The following MAGI2 variants were observed in gnomAD, a reference collection of about 807,000 sequenced individuals.
MAGI2 encodes membrane-associated guanylate kinase, WW and PDZ domain-containing protein 2.
A neutral mutation model predicts 133.3 loss-of-function variants in MAGI2; 35 were observed. That is an observed-to-expected ratio of 0.26 (90% CI 0.20 to 0.35). The LOEUF is 0.35. MAGI2 is among the 10% of genes least tolerant of loss of function. The pLI, the probability that MAGI2 is intolerant of heterozygous loss-of-function variation, is 1.00. For missense variants in MAGI2, 1,636 were observed against 1,863.4 expected (o/e 0.88, Z 2.25); for synonymous variants, 729 against 710.6 (o/e 1.03, Z -0.41).
At chr7:78,781,251 C>T (rs994077870) in intron 2 of MAGI2, among the ~76,000 whole-genome samples, 5 of 151,678 alleles carry the variant, frequency 3.3e-5, no homozygotes, top group Admixed American at 6.6e-5. Context: ...TGGTGGCGGG[C>T]GCCTGTAGTC....
chr7:78,318,905 C>G (rs1403369267), intron 9 of MAGI2, among the ~76,000 whole-genome samples: 1 of 152,246 alleles, frequency 6.6e-6, no homozygotes, highest in East Asian at 1.9e-4. Flanking sequence ...CCGTTACAGA[C>G]AAGCAAATGG....
Position 79,323,250 on chromosome 7 carries a change from C to T in MAGI2, c.301+129770G>A. Among the ~76,000 whole-genome samples the T allele has an allele frequency of 1.3e-5, 2 of 152,174 alleles. 1 individual carries two copies. Among genetic ancestry groups the T allele is most frequent in the African/African-American group, 4.8e-5 (2 of 41,442 alleles). ...AGAACAGGACCACATCCTCCCCTCT[C>T]CTCAATGAACTTACAGTCAAATGGA... On this transcript the variant is annotated intron_variant, in intron 1 of 21. Transcript: ENST00000354212.
intron 6 of MAGI2, among the ~76,000 whole-genome samples, chr7:78,380,811 G>A (rs1171160981): frequency 6.6e-6 from 1 of 152,080 alleles, no homozygotes; most frequent in Non-Finnish European, 1.5e-5. Flanking sequence ...AGATTATTAT[G>A]CATTGCACGC....
chr7:78,589,939 T>C (rs1175408916), intron 3 of MAGI2, among the ~76,000 whole-genome samples: 3 of 152,234 alleles, frequency 2.0e-5, no homozygotes, highest in Admixed American at 1.3e-4. Context: ...TCTGGCAGTT[T>C]GCTTGGTTCC....
rs71085549 is a variant in MAGI2 at position 78,626,826 on chromosome 7, ATG to A, written c.538+292_538+293del. ...AGGAGACAAGCACAAGAATACTTCA[ATG>A]TGTGTGTGTGTGTGTGTGTGTGTGT... On this transcript the variant is annotated intron_variant, in intron 3 of 21. Transcript: ENST00000354212. Among the ~76,000 whole-genome samples the A allele has an allele frequency of 0.013, 1,906 of 148,374 alleles. 33 individuals carry two copies. Among genetic ancestry groups the A allele is most frequent in the African/African-American group, 0.036 (1,457 of 40,310 alleles).
chr7:78,578,819 G>T (rs1000513999), intron 3 of MAGI2, among the ~76,000 whole-genome samples: 1 of 152,130 alleles, frequency 6.6e-6, no homozygotes, highest in Non-Finnish European at 1.5e-5. Flanking sequence ...ATTATCCCTC[G>T]GGGTTGACCT....
intron 15 of MAGI2, among the ~76,000 whole-genome samples, chr7:78,163,766 G>A (rs1471320170): frequency 6.6e-6 from 1 of 151,924 alleles, no homozygotes; most frequent in East Asian, 1.9e-4. Flanking sequence ...AATTAGCTGG[G>A]CGTGGTGGTG....
At chr7:79,120,765 T>A (rs1019525972) in intron 1 of MAGI2, among the ~76,000 whole-genome samples, 6 of 152,072 alleles carry the variant, frequency 3.9e-5, no homozygotes, top group African/African-American at 1.4e-4. Context: ...GGGTTCTATA[T>A]ACGGTATTGT....
chr7:78,043,855 T>C (rs1009149369), intron 21 of MAGI2, among the ~76,000 whole-genome samples: 1 of 152,354 alleles, frequency 6.6e-6, no homozygotes, highest in African/African-American at 2.4e-5. Context: ...TGAGAACTAA[T>C]GTATTTTTGG....
intron 1 of MAGI2, among the ~76,000 whole-genome samples, chr7:79,172,227 G>A (rs773111658): frequency 6.6e-6 from 1 of 152,038 alleles, no homozygotes; most frequent in Non-Finnish European, 1.5e-5. Flanking sequence ...GAGATGAACA[G>A]TGTGAATCTT....
intron 1 of MAGI2, among the ~76,000 whole-genome samples, chr7:79,046,900 A>G (rs1205938325): frequency 6.6e-6 from 1 of 152,220 alleles, no homozygotes; most frequent in African/African-American, 2.4e-5. Flanking sequence ...CATGTTTCAT[A>G]ATATCCAATT....
intron 3 of MAGI2, among the ~76,000 whole-genome samples, chr7:78,539,307 G>A (rs1021791131): frequency 6.6e-6 from 1 of 151,834 alleles, no homozygotes; most frequent in African/African-American, 2.4e-5. Context: ...TTTATGTGGT[G>A]TATCAAATTT....
chr7:78,071,759 C>T (rs531674884), intron 21 of MAGI2, among the ~76,000 whole-genome samples: 20 of 152,154 alleles, frequency 1.3e-4, no homozygotes, highest in African/African-American at 4.3e-4. Context: ...TTCTATTGCG[C>T]GGTGGAAGGT....
intron 1 of MAGI2, among the ~76,000 whole-genome samples, chr7:79,296,334 T>A (rs565654019): frequency 1.3e-5 from 2 of 152,214 alleles, no homozygotes; most frequent in Non-Finnish European, 2.9e-5. Flanking sequence ...CACTACTGGG[T>A]ATATATCTGA....
rs202115434 is a variant in MAGI2, at chr7:78,138,625, TCACACACACACACACACACA to T, written c.2846-3439_2846-3420del. 5.3e-3 allele frequency among the ~76,000 whole-genome samples: 680 copies of T among 129,496 alleles called. 7 individuals are homozygous for T. The highest frequency in any genetic ancestry group is 0.019 in the African/African-American group (629 of 32,934). The allele number at this position is 129,496 out of a possible 152,430, so 85.0% of individuals were successfully genotyped here. On this transcript the variant is annotated intron_variant, in intron 16 of 21. Transcript: ENST00000354212. ...ATCCCAAATGTTTCAAAACATAGAT[TCACACACACACACACACACA>T]CACACACACACACACACACACACAC...
At chr7:79,347,087 C>T (rs1401757750) in intron 1 of MAGI2, among the ~76,000 whole-genome samples, 5 of 151,764 alleles carry the variant, frequency 3.3e-5, no homozygotes, top group African/African-American at 1.2e-4. Context: ...TATGTTAATT[C>T]GAGAGTGTTC....
At chr7:78,657,498 G>C (rs1429638590) in intron 2 of MAGI2, among the ~76,000 whole-genome samples, 3 of 152,124 alleles carry the variant, frequency 2.0e-5, no homozygotes, top group Admixed American at 6.5e-5. Flanking sequence ...AAAGAAATGA[G>C]CTGTCTGAAA....
intron 14 of MAGI2, among the ~76,000 whole-genome samples, chr7:78,175,926 T>C (rs1826552690): frequency 6.6e-6 from 1 of 152,188 alleles, no homozygotes; most frequent in Non-Finnish European, 1.5e-5. Flanking sequence ...GCTGTATAAA[T>C]ATCCTGCGGA....
At chr7:78,626,026 G>C (rs955918575) in intron 3 of MAGI2, among the ~76,000 whole-genome samples, 4 of 152,168 alleles carry the variant, frequency 2.6e-5, no homozygotes, top group African/African-American at 9.7e-5. Context: ...AAATCAAGGA[G>C]AAAGTAGAGG....
Sources: gnomAD v4.1 joint callset for allele counts (sites outside exome capture counted in the v4.1 genomes callset) on GRCh38, gnomAD v4.1.1 for gene constraint, MANE v1.5 for transcripts, NCBI Gene and HGNC (gene_info 2026-07-23, HGNC 2026-07-21) for gene names.